MRPL3: variants seen among roughly 807,000 people sequenced by gnomAD.
The protein encoded by MRPL3 is mitochondrial ribosomal protein L3, also known as large ribosomal subunit protein uL3m.
A neutral mutation model predicts 44.3 loss-of-function variants in MRPL3; 43 were observed. The ratio of observed to expected loss-of-function variants is 0.97; its 90% CI spans 0.76 to 1.25. The LOEUF (loss-of-function observed/expected upper bound fraction) is 1.25. MRPL3 is among the 50% of genes most tolerant of loss of function. MRPL3 has a pLI of 0.00. For missense variants in MRPL3, 406 were observed against 427.6 expected (o/e 0.95, Z 0.45); for synonymous variants, 171 against 152.3 (o/e 1.12, Z -0.91).
In MRPL3 at chr3:131,502,833, G is replaced by A. The variant is rs1283640178; in HGVS notation, c.-12C>T. 1.2e-6 allele frequency: 2 copies of A among 1,610,844 alleles called. No individual in the cohort carries two copies. Among genetic ancestry groups the A allele is most frequent in the Admixed American group, 1.7e-5 (1 of 59,770 alleles). On this transcript the variant is annotated 5_prime_UTR_variant, in exon 1 of 10. Transcript: ENST00000264995. ...CTCCAACCCGGCATGGATTAGCCCG[G>A]GAAGACTCGACTCACGACTTCCGGG...
chr3:131,464,442 T>C (rs570581893), intron 9 of MRPL3, among the ~76,000 whole-genome samples: 4 of 152,272 alleles, frequency 2.6e-5, no homozygotes, highest in African/African-American at 4.8e-5. Context: ...ATATGTATTT[T>C]TGTGTATTTA....
chr3:131,489,604 C>T (rs1040765884), intron 5 of MRPL3, among the ~76,000 whole-genome samples: 2 of 152,122 alleles, frequency 1.3e-5, no homozygotes, highest in East Asian at 1.9e-4. Flanking sequence ...GTGCTATGGT[C>T]GGTCCCTTCT....
At chr3:131,500,626 C>G (rs767180708) in intron 2 of MRPL3, 105 bp from the exon 3 acceptor site, 2 of 837,884 alleles carry the variant, frequency 2.4e-6, no homozygotes, top group African/African-American at 1.7e-5. Context: ...GGAGCAGGCA[C>G]GTAAGAAATA....
At chr3:131,491,933 A>T (rs192809351) in intron 4 of MRPL3, among the ~76,000 whole-genome samples, 3 of 152,156 alleles carry the variant, frequency 2.0e-5, no homozygotes, top group Admixed American at 2.0e-4. Context: ...CATGGTTTAA[A>T]ATGTTCTACA....
chr3:131,471,581 G>T (rs115850789), intron 6 of MRPL3, among the ~76,000 whole-genome samples: 1 of 152,244 alleles, frequency 6.6e-6, no homozygotes, highest in Non-Finnish European at 1.5e-5. Context: ...CTAATTCTGT[G>T]AAGATGACAC....
chr3:131,488,328 A>C (rs1582714518), intron 5 of MRPL3, among the ~76,000 whole-genome samples: 1 of 152,294 alleles, frequency 6.6e-6, no homozygotes, highest in African/African-American at 2.4e-5. Context: ...ATACTTATTA[A>C]ATTTTATATA....
At chr3:131,482,045 C>CTCTTTTAAGT (rs1933999486) in intron 6 of MRPL3, among the ~76,000 whole-genome samples, 1 of 152,184 alleles carries the variant, frequency 6.6e-6, no homozygotes, top group East Asian at 1.9e-4. Flanking sequence ...GTATACAGCC[C>CTCTTTTAAGT]ACAAAGTCTT....
intron 6 of MRPL3, among the ~76,000 whole-genome samples, chr3:131,474,747 A>C (rs1005444032): frequency 6.6e-6 from 1 of 150,852 alleles, no homozygotes; most frequent in African/African-American, 2.4e-5. Flanking sequence ...AAATTCTCAG[A>C]CTGTACTAGA....
chr3:131,468,816 T>C (rs549637553), intron 8 of MRPL3, among the ~76,000 whole-genome samples: 1 of 152,046 alleles, frequency 6.6e-6, no homozygotes, highest in Non-Finnish European at 1.5e-5. Context: ...AAAAAAAATC[T>C]TAGGTTTAAT....
At position 131,469,773 on chromosome 3, in the gene MRPL3, C is replaced by A. The variant is rs766569622; in HGVS notation, c.739G>T (p.Asp247Tyr). ...GTTCCAGGCCAGACTCTGCCAATAT[C>A]CTAAATGAGAAAACTAAAGTTAACA... ...HRRPGAVATG[D>Y]IGRVWPGTKM... Residue 247 changes from aspartate (D) to tyrosine (Y), a missense_variant and splice_region_variant, in exon 8 of 10, where the codon GAT (aspartate) becomes TAT (tyrosine). By Grantham distance (160) the Asp-to-Tyr change is radical. Transcript: ENST00000264995. 6.2e-7 allele frequency: 1 copy of A among 1,608,832 alleles called. No individual in the cohort carries two copies. The highest frequency in any genetic ancestry group is 1.3e-5 in the African/African-American group (1 of 74,818).
At chr3:131,469,133 T>G (rs1471191018) in intron 8 of MRPL3, among the ~76,000 whole-genome samples, 1 of 152,048 alleles carries the variant, frequency 6.6e-6, no homozygotes, top group African/African-American at 2.4e-5. Flanking sequence ...CACAGACATT[T>G]TTTATAAAAA....
chr3:131,468,524 G>A (rs200293044), intron 8 of MRPL3, among the ~76,000 whole-genome samples: 2 of 152,054 alleles, frequency 1.3e-5, no homozygotes, highest in Non-Finnish European at 2.9e-5. Flanking sequence ...AGAGGCTGGA[G>A]AAGCCACAAC....
At chr3:131,462,923 G>T in intron 9 of MRPL3, 48 bp from the exon 10 acceptor site, 2 of 1,515,234 alleles carry the variant, frequency 1.3e-6, no homozygotes, top group Non-Finnish European at 9.0e-7. Context: ...TTCTTTAAAG[G>T]TAGACTTTTC....
chr3:131,498,012 A>T (rs936166582), intron 4 of MRPL3, 167 bp downstream of exon 4: 5 of 626,190 alleles, frequency 8.0e-6, no homozygotes, highest in Non-Finnish European at 1.4e-5. Context: ...AAGAGTCTCC[A>T]AGACTCCTGG....
intron 6 of MRPL3, among the ~76,000 whole-genome samples, chr3:131,472,682 A>G (rs1307703145): frequency 6.6e-6 from 1 of 152,148 alleles, no homozygotes; most frequent in Non-Finnish European, 1.5e-5. Context: ...AGGAAATCCT[A>G]GACTCCACCA....
intron 4 of MRPL3, among the ~76,000 whole-genome samples, chr3:131,497,067 T>C (rs1037808230): frequency 1.3e-5 from 2 of 152,214 alleles, no homozygotes; most frequent in African/African-American, 4.8e-5. Flanking sequence ...CTCCTGGGAT[T>C]TTCCCTGGCA....
chr3:131,465,188 C>T (rs1386171043), intron 9 of MRPL3, among the ~76,000 whole-genome samples: 1 of 152,148 alleles, frequency 6.6e-6, no homozygotes, highest in Admixed American at 6.5e-5. Context: ...AGACATTGTT[C>T]TGATGCCAGT....
rs1266258010 is a variant in MRPL3 at position 131,462,573 on chromosome 3, G to A, written c.*150C>T. 2 of 602,266 alleles carry A rather than the reference G, an allele frequency of 3.3e-6. No homozygotes were observed. Among genetic ancestry groups the A allele is most frequent in the East Asian group, 3.1e-5 (1 of 32,250 alleles). 37.3% of individuals were successfully genotyped at this position (602,266 alleles called of 1,614,324 possible). On this transcript the variant is annotated 3_prime_UTR_variant, in exon 10 of 10. Transcript: ENST00000264995. The stretch of plus-strand genomic sequence containing the variant: ...ATTTTTCTAACAAAATTTAATGGGG[G>A]TATGAATGATATATTTATGCCCTTG...
At chr3:131,479,068 C>A in intron 6 of MRPL3, 1 of 488,968 alleles carries the variant, frequency 2.0e-6, no homozygotes, top group Non-Finnish European at 4.0e-6. Flanking sequence ...GAACCATTTC[C>A]AAATTAAGTT....
Sources: gnomAD v4.1 joint callset for allele counts (sites outside exome capture counted in the v4.1 genomes callset) on GRCh38, gnomAD v4.1.1 for gene constraint, MANE v1.5 for transcripts, NCBI Gene and HGNC (gene_info 2026-07-23, HGNC 2026-07-21) for gene names.